Variants in CHSY3 observed in about 807,000 individuals in gnomAD.
The protein encoded by CHSY3 is chondroitin sulfate synthase 3.
CHSY3 carries 35 observed loss-of-function variants against 67.2 expected under a neutral mutation model. That is an observed-to-expected ratio of 0.52 (90% CI 0.40 to 0.69). The LOEUF is 0.69. CHSY3 is among the 30% of genes least tolerant of loss of function. CHSY3 has a pLI of 0.00. For missense variants in CHSY3, 1,069 were observed against 1,138.5 expected (o/e 0.94, Z 0.88); for synonymous variants, 474 against 434.7 (o/e 1.09, Z -1.12).
intron 2 of CHSY3, among the ~76,000 whole-genome samples, chr5:130,024,301 T>A (rs1162753894): frequency 6.6e-6 from 1 of 152,120 alleles, no homozygotes; most frequent in Admixed American, 6.6e-5. Context: ...TATAATCTAA[T>A]TTAAATGAGT....
chr5:130,129,477 C>T (rs1383368325), intron 2 of CHSY3, among the ~76,000 whole-genome samples: 4 of 152,104 alleles, frequency 2.6e-5, no homozygotes, highest in Non-Finnish European at 5.9e-5. Context: ...TTATAACACA[C>T]AAGACATTTA....
chr5:129,957,729 A>T (rs1762218695), intron 2 of CHSY3, among the ~76,000 whole-genome samples: 1 of 152,120 alleles, frequency 6.6e-6, no homozygotes, highest in African/African-American at 2.4e-5. Flanking sequence ...TCATGCCTTC[A>T]GGAGCTATTA....
chr5:130,091,726 G>A (rs1027363223), intron 2 of CHSY3, among the ~76,000 whole-genome samples: 5 of 152,126 alleles, frequency 3.3e-5, no homozygotes, highest in African/African-American at 7.2e-5. Context: ...CTAGCAATGC[G>A]TTATATTTAG....
At chr5:129,978,431 T>C (rs1221573587) in intron 2 of CHSY3, among the ~76,000 whole-genome samples, 1 of 152,194 alleles carries the variant, frequency 6.6e-6, no homozygotes, top group Non-Finnish European at 1.5e-5. Context: ...ATTTTACATA[T>C]GTACACATGA....
In CHSY3 at chr5:130,018,007, TG is replaced by T. The variant is rs1362042918; in HGVS notation, c.1086+109649del. Among the ~76,000 whole-genome samples the T allele has an allele frequency of 9.2e-5, 14 of 152,310 alleles. No homozygotes were observed. In the East Asian group the frequency reaches 2.7e-3, roughly 29 times the overall value. On this transcript the variant is annotated intron_variant, in intron 2 of 2. Coordinates refer to ENST00000305031, the MANE Select transcript of CHSY3 (RefSeq NM_175856.5). ...CTGTTCGGTTTCTGTGCCCACTGTC[TG>T]GTAATCTGATGTGGATCTTGCTACT...
At chr5:130,037,504 T>C (rs1764893390) in intron 2 of CHSY3, among the ~76,000 whole-genome samples, 1 of 152,038 alleles carries the variant, frequency 6.6e-6, no homozygotes, top group African/African-American at 2.4e-5. Context: ...AGCTTTTAAA[T>C]CAGTAAGAAA....
At chr5:130,040,592 A>G (rs1449661575) in intron 2 of CHSY3, among the ~76,000 whole-genome samples, 1 of 152,118 alleles carries the variant, frequency 6.6e-6, no homozygotes, top group Non-Finnish European at 1.5e-5. Flanking sequence ...AATGCTTTCA[A>G]TATTATGTCA....
At chr5:130,115,685 A>G (rs764186365) in intron 2 of CHSY3, among the ~76,000 whole-genome samples, 6 of 152,134 alleles carry the variant, frequency 3.9e-5, no homozygotes, top group Non-Finnish European at 7.4e-5. Flanking sequence ...CCAATTATTC[A>G]CTTCTTACTT....
chr5:130,100,705 C>T (rs1580733508), intron 2 of CHSY3, among the ~76,000 whole-genome samples: 1 of 152,278 alleles, frequency 6.6e-6, no homozygotes, highest in East Asian at 1.9e-4. Context: ...AATCCTTAAA[C>T]TAACTTTATG....
At chr5:129,905,951 C>A in intron 1 of CHSY3, 2 of 385,016 alleles carry the variant, frequency 5.2e-6, no homozygotes, top group South Asian at 5.4e-5. Context: ...TAGAGCTAAA[C>A]CAAAGGCCAT....
chr5:130,170,032 A>G (rs960169196), intron 2 of CHSY3, among the ~76,000 whole-genome samples: 1 of 152,092 alleles, frequency 6.6e-6, no homozygotes, highest in Non-Finnish European at 1.5e-5. Flanking sequence ...TATTAGTTAC[A>G]TGGGTATGTT....
chr5:129,905,250 G>A lies in CHSY3; in HGVS notation c.421G>A (p.Ala141Thr), dbSNP rs1012958799. The change falls in exon 1 of 3, where the codon GCG becomes ACG. Residue 141 changes from alanine (A) to threonine (T), a missense_variant. By Grantham distance (58) the Ala-to-Thr change is moderately conservative. Around this residue, in one of 5 missense-constraint regions of CHSY3, gnomAD observed 309 missense variants for 262.5 expected, o/e 1.18. Coordinates refer to ENST00000305031, the MANE Select transcript of CHSY3 (RefSeq NM_175856.5). ...EGEPEEEDGG[A>T]AGQRRDGRPG... is the part of the protein sequence containing the mutation. ...GGAGCCCGAGGAGGAGGACGGGGGCGCGGCTGGGCAGCGGAGAGACGGCCG... is the reference window on the plus strand; with the variant it reads ...GGAGCCCGAGGAGGAGGACGGGGGCACGGCTGGGCAGCGGAGAGACGGCCG... 71 of 1,455,750 alleles carry A rather than the reference G, an allele frequency of 4.9e-5. No individual in the cohort carries two copies. The highest frequency in any genetic ancestry group is 9.6e-5 in the Admixed American group (4 of 41,492). 90.2% of individuals were successfully genotyped at this position (1,455,750 alleles called of 1,614,324 possible).
rs532425307 is a variant in CHSY3, at chr5:130,079,630, G to T, written c.1087-104599G>T. Reference sequence around the variant, plus strand: ...GAGGGGTCTTACAGACTGGGTTCAGGTACTGGATCTGACACTAGCTGCCTG... The same window carrying T: ...GAGGGGTCTTACAGACTGGGTTCAGTTACTGGATCTGACACTAGCTGCCTG... On this transcript the variant is annotated intron_variant, in intron 2 of 2. Coordinates refer to ENST00000305031, the MANE Select transcript of CHSY3 (RefSeq NM_175856.5). Among the ~76,000 whole-genome samples the T allele has an allele frequency of 2.0e-4, 30 of 152,176 alleles. No homozygotes were observed. In the South Asian group the frequency reaches 6.2e-3, roughly 32 times the overall value.
intron 2 of CHSY3, among the ~76,000 whole-genome samples, chr5:130,052,692 A>G (rs893552157): frequency 6.6e-6 from 1 of 152,180 alleles, no homozygotes; most frequent in Admixed American, 6.5e-5. Context: ...CTATTCTGGT[A>G]AGGGAGCCTA....
chr5:129,996,047 T>A (rs1032906375), intron 2 of CHSY3, among the ~76,000 whole-genome samples: 2 of 152,152 alleles, frequency 1.3e-5, no homozygotes, highest in Non-Finnish European at 2.9e-5. Context: ...GTTCTGTCAT[T>A]TGCCAACGAT....
At chr5:130,179,250 A>G (rs1383665218) in intron 2 of CHSY3, among the ~76,000 whole-genome samples, 1 of 152,196 alleles carries the variant, frequency 6.6e-6, no homozygotes, top group Non-Finnish European at 1.5e-5. Context: ...ACACGCAGTA[A>G]GACCATTTAA....
rs367833750 is a variant in CHSY3 at position 130,123,018 on chromosome 5, C to T, written c.1087-61211C>T. 1.9e-4 allele frequency among the ~76,000 whole-genome samples: 29 copies of T among 151,860 alleles called. 1 individual carries two copies. The East Asian group carries it at 5.4e-3, about 28-fold the overall frequency. ...TTCTTGAAACAAATATTTTAGAATT[C>T]ATCCTATTGGCCATTTCTTGAATTA... On this transcript the variant is annotated intron_variant, in intron 2 of 2. Transcript: ENST00000305031.
At chr5:130,182,204 G>T (rs73788435) in intron 2 of CHSY3, among the ~76,000 whole-genome samples, 2 of 152,036 alleles carry the variant, frequency 1.3e-5, no homozygotes, top group South Asian at 2.1e-4. Context: ...GATCCATCAC[G>T]TTATCCCATA....
At chr5:130,039,838 C>A (rs893116644) in intron 2 of CHSY3, among the ~76,000 whole-genome samples, 1 of 152,020 alleles carries the variant, frequency 6.6e-6, no homozygotes, top group Non-Finnish European at 1.5e-5. Context: ...AAACTTCCCC[C>A]TAAATAGCAG....
Sources: allele counts gnomAD v4.1 joint callset (sites outside exome capture counted in the v4.1 genomes callset), GRCh38; gene constraint gnomAD v4.1.1; regional missense constraint gnomAD v4.1.1; transcripts MANE v1.5; gene names NCBI Gene and HGNC (gene_info 2026-07-23, HGNC 2026-07-21).